The following CADM3 variants were observed in gnomAD, a reference collection of about 807,000 sequenced individuals.
The protein encoded by CADM3 is cell adhesion molecule 3, also known as TSLC1-like 1.
In CADM3, 11 loss-of-function variants were observed where a neutral mutation model predicts 44.9. The observed-to-expected ratio is 0.25, with a 90% CI of 0.15 to 0.41. The LOEUF is 0.41. Ranked by LOEUF, CADM3 falls within the 10% of genes least tolerant of loss-of-function variation. The pLI, the probability that CADM3 is intolerant of heterozygous loss-of-function variation, is 1.00. For missense variants in CADM3, 426 were observed against 512.0 expected (o/e 0.83, Z 1.62); for synonymous variants, 207 against 205.2 (o/e 1.01, Z -0.08).
intron 5 of CADM3, chr1:159,195,338 A>G (rs1003322997): frequency 5.3e-5 from 8 of 152,206 alleles, no homozygotes; most frequent in African/African-American, 1.9e-4. Context: ...CTATATTCCT[A>G]TAAGGTGCTT....
Position 159,171,685 on chromosome 1 carries a change from G to T in CADM3, c.-81G>T, listed in dbSNP as rs375199532. ...CGGGGGCGCCCTTTCGGTCAACATC[G>T]TAGTCCACCCCCTCCCCATCCCCAG... On this transcript the variant is annotated 5_prime_UTR_variant, in exon 1 of 9. Transcript: ENST00000368125. 4.9e-5 allele frequency: 53 copies of T among 1,071,888 alleles called. No individual in the cohort carries two copies. In the South Asian group the frequency reaches 2.4e-3, roughly 49 times the overall value. The allele number at this position is 1,071,888 out of a possible 1,614,324, so 66.4% of individuals were successfully genotyped here.
At chr1:159,191,887 A>C in intron 1 of CADM3, 49 bp from the exon 2 acceptor site, 1 of 1,610,404 alleles carries the variant, frequency 6.2e-7, no homozygotes, top group East Asian at 2.2e-5. Flanking sequence ...CAGAAATGGG[A>C]GGAGGGGCTA....
At chr1:159,188,278 C>A (rs892943729) in intron 1 of CADM3, among the ~76,000 whole-genome samples, 1 of 150,768 alleles carries the variant, frequency 6.6e-6, no homozygotes, top group African/African-American at 2.4e-5. Context: ...CTCTCCACCC[C>A]CTCTTTATCC....
rs570739874 is a variant in CADM3 at position 159,201,089 on chromosome 1, G to A, written c.*167G>A. ...CTGCTTTGGGTGCGGTTTTGTACTCGGTTTGGAATGGGGAGGGAGGAGGGC... is the reference window on the plus strand; with the variant it reads ...CTGCTTTGGGTGCGGTTTTGTACTCAGTTTGGAATGGGGAGGGAGGAGGGC... On this transcript the variant is annotated 3_prime_UTR_variant, in exon 9 of 9. Coordinates refer to ENST00000368125, the MANE Select transcript of CADM3 (RefSeq NM_001127173.3). The A allele has an allele frequency of 1.6e-4, 55 of 350,058 alleles. No homozygotes were observed. The highest frequency in any genetic ancestry group is 1.5e-3 in the East Asian group (34 of 22,494). 21.7% of individuals were successfully genotyped at this position (350,058 alleles called of 1,614,324 possible).
intron 1 of CADM3, chr1:159,178,618 A>T (rs1649115253): frequency 6.6e-6 from 1 of 152,238 alleles, no homozygotes; most frequent in South Asian, 2.1e-4. Flanking sequence ...ACCTTGTACA[A>T]AACTAAATGG....
chr1:159,189,866 A>G, intron 1 of CADM3: 1 of 1,597,772 alleles, frequency 6.3e-7, no homozygotes, highest in Non-Finnish European at 8.5e-7. Flanking sequence ...CATGCTGGCC[A>G]GTCAAGGTGA....
In CADM3 at chr1:159,192,604, GT is replaced by G; in HGVS notation, c.258del (p.Thr87ProfsTer41). 1 of 1,614,096 alleles carries G rather than the reference GT, an allele frequency of 6.2e-7. No individual in the cohort carries two copies. Among genetic ancestry groups the G allele is most frequent in the Non-Finnish European group, 8.5e-7 (1 of 1,180,018 alleles). On this transcript the variant is annotated frameshift_variant, in exon 3 of 9. Transcript: ENST00000368125. LOFTEE classifies it high-confidence loss of function. ...CCTTCGAGATAATCGAATTCAGCTG[GT>G]TACCTCTACGCCCCACGAGCTCAGC... ...RALRDNRIQL[V>X]TSTPHELSIS...
chr1:159,192,455 C>G (rs1165651682), intron 2 of CADM3, 123 bp from the exon 3 acceptor site: 4 of 1,057,306 alleles, frequency 3.8e-6, no homozygotes, highest in African/African-American at 3.2e-5. Context: ...AACTCAGGAG[C>G]AGTTATTTTT....
In CADM3 at chr1:159,192,588, T is replaced by C. The variant is rs780792191; in HGVS notation, c.240T>C (p.Asp80=). 2.5e-6 allele frequency: 4 copies of C among 1,614,178 alleles called. No homozygotes were observed. In the East Asian group the frequency reaches 8.9e-5, roughly 36 times the overall value. ...TCTTGATTTCCCCAGCCCTTCGAGATAATCGAATTCAGCTGGTTACCTCTA... is the reference window on the plus strand; with the variant it reads ...TCTTGATTTCCCCAGCCCTTCGAGACAATCGAATTCAGCTGGTTACCTCTA... ...LYFGEKRALR[D]NRIQLVTSTP... Residue 80 remains aspartate (D), a synonymous_variant, in exon 3 of 9, where the codon GAT becomes GAC. Transcript: ENST00000368125.
Position 159,193,986 on chromosome 1 carries a change from C to T in CADM3, c.637C>T (p.His213Tyr). ...DGASIVCSVN[H>Y]ESLKGADRST... The stretch of plus-strand genomic sequence containing the variant: ...GGCGAGCATCGTGTGCTCTGTGAAC[C>T]ATGAATCTCTAAAGGGAGCTGACAG... The change falls in exon 5 of 9, where the codon CAT becomes TAT. Residue 213 changes from histidine to tyrosine, a missense_variant. By Grantham distance (83) the His-to-Tyr change is moderately conservative. Transcript: ENST00000368125. The T allele has an allele frequency of 1.2e-6, 2 of 1,614,120 alleles. No individual in the cohort carries two copies. The highest frequency in any genetic ancestry group is 1.7e-6 in the Non-Finnish European group (2 of 1,180,022).
chr1:159,200,880 C>T lies in CADM3; in HGVS notation c.1155C>T (p.Gly385=), dbSNP rs1407021504. Residue 385 remains glycine (G), a synonymous_variant, in exon 9 of 9, where the codon GGC becomes GGT. Transcript: ENST00000368125. ...ACACGGCCATCATCAATGCAGAAGGCGGGCAGTCAGGAGGGGACGACAAGA... is the reference window on the plus strand; with the variant it reads ...ACACGGCCATCATCAATGCAGAAGGTGGGCAGTCAGGAGGGGACGACAAGA... ...DADTAIINAE[G]GQSGGDDKKE... 3 of 1,609,648 alleles carry T rather than the reference C, an allele frequency of 1.9e-6. No homozygotes were observed. Among genetic ancestry groups the T allele is most frequent in the Non-Finnish European group, 2.5e-6 (3 of 1,177,798 alleles).
chr1:159,178,023 G>T (rs908057657), intron 1 of CADM3, among the ~76,000 whole-genome samples: 1 of 152,140 alleles, frequency 6.6e-6, no homozygotes, highest in Non-Finnish European at 1.5e-5. Flanking sequence ...AGTGGCATTT[G>T]CATATAACCT....
chr1:159,183,195 A>G (rs886981255), intron 1 of CADM3, among the ~76,000 whole-genome samples: 1 of 152,170 alleles, frequency 6.6e-6, no homozygotes, highest in African/African-American at 2.4e-5. Context: ...ATAGTGTAGG[A>G]CCCCTGGGTC....
chr1:159,196,763 C>G, intron 6 of CADM3, 128 bp from the exon 7 acceptor site: 1 of 948,734 alleles, frequency 1.1e-6, no homozygotes, highest in Non-Finnish European at 1.6e-6. Context: ...TCCAGTGTCT[C>G]TGGCCCCGAT....
intron 3 of CADM3, among the ~76,000 whole-genome samples, chr1:159,192,941 T>G (rs1009669224): frequency 6.6e-6 from 1 of 152,222 alleles, no homozygotes; most frequent in African/African-American, 2.4e-5. Flanking sequence ...GACAAGGTTC[T>G]TACTCTCTTT....
intron 4 of CADM3, 73 bp downstream of exon 4, chr1:159,193,633 G>A (rs567466961): frequency 1.7e-5 from 27 of 1,584,780 alleles, no homozygotes; most frequent in African/African-American, 1.2e-4. Flanking sequence ...GTCTGTGAAC[G>A]TACACAGGAG....
At chr1:159,192,434 A>T in intron 2 of CADM3, 144 bp from the exon 3 acceptor site, 1 of 886,970 alleles carries the variant, frequency 1.1e-6, no homozygotes, top group Non-Finnish European at 1.8e-6. Flanking sequence ...GAATAACTTA[A>T]AGACTGCTTA....
intron 1 of CADM3, among the ~76,000 whole-genome samples, chr1:159,184,780 A>T (rs541325966): frequency 6.6e-6 from 1 of 152,332 alleles, no homozygotes; most frequent in East Asian, 1.9e-4. Flanking sequence ...TTATTCAATA[A>T]ATATTTATTG....
chr1:159,187,031 C>G (rs554903386), intron 1 of CADM3, among the ~76,000 whole-genome samples: 1 of 152,062 alleles, frequency 6.6e-6, no homozygotes, highest in African/African-American at 2.4e-5. Flanking sequence ...AAAAAAGATG[C>G]CTGTGAAATG....
Sources: allele counts gnomAD v4.1 joint callset (sites outside exome capture counted in the v4.1 genomes callset), GRCh38; gene constraint gnomAD v4.1.1; transcripts MANE v1.5; gene names NCBI Gene and HGNC (gene_info 2026-07-23, HGNC 2026-07-21).